Variants in SNAP91 observed in about 807,000 individuals in gnomAD.
SNAP91 encodes the protein synaptosome associated protein 91.
Under a neutral mutation model 100.3 loss-of-function variants are expected in SNAP91, and 27 were observed. The ratio of observed to expected loss-of-function variants is 0.27; its 90% CI spans 0.20 to 0.37. SNAP91 has a LOEUF of 0.37. Ranked by LOEUF, SNAP91 falls within the 10% of genes least tolerant of loss-of-function variation. The pLI is 1.00. For synonymous variants in SNAP91, 404 were observed against 398.6 expected, an observed-to-expected ratio of 1.01 and a Z score of -0.16; for missense variants, 986 against 1,123.7, an observed-to-expected ratio of 0.88 and a Z score of 1.75.
At chr6:83,702,163 A>C (rs1269307480) in intron 2 of SNAP91, among the ~76,000 whole-genome samples, 1 of 152,248 alleles carries the variant, frequency 6.6e-6, no homozygotes, top group African/African-American at 2.4e-5. Flanking sequence ...TTTAATGGCA[A>C]GGAATTTGAT....
In SNAP91 at chr6:83,662,414, A is replaced by C. The variant is rs776359220; in HGVS notation, c.282T>G (p.Ile94Met). 1 of 1,341,258 alleles carries C rather than the reference A, an allele frequency of 7.5e-7. No individual in the cohort carries two copies. Among genetic ancestry groups the C allele is most frequent in the East Asian group, 2.6e-5 (1 of 37,910 alleles). The allele number at this position is 1,341,258 out of a possible 1,614,324, so 83.1% of individuals were successfully genotyped here. A position where few individuals can be genotyped will look rare whatever the true frequency, so the allele number is the denominator to read the frequency against. ...GTGTATTTCTAGAAGCCAAATATTGAATAAATCTCTGAAAAACAAAAATTA... is the reference window on the plus strand; with the variant it reads ...GTGTATTTCTAGAAGCCAAATATTGCATAAATCTCTGAAAAACAAAAATTA... ...HLMVHGNERF[I>M]QYLASRNTLF... Residue 94 changes from isoleucine to methionine, a missense_variant, in exon 4 of 30, where the codon ATT becomes ATG. Around this residue, in one of 4 missense-constraint regions of SNAP91, gnomAD observed 330 missense variants for 447.5 expected, o/e 0.74. Transcript: ENST00000369694.
intron 7 of SNAP91, among the ~76,000 whole-genome samples, chr6:83,651,659 T>C (rs1470669511): frequency 6.6e-6 from 1 of 152,178 alleles, no homozygotes; most frequent in Non-Finnish European, 1.5e-5. Context: ...ATGGTTCAGA[T>C]TGTGGTCTCT....
intron 3 of SNAP91, among the ~76,000 whole-genome samples, chr6:83,664,545 C>T (rs1330363563): frequency 3.9e-5 from 6 of 152,030 alleles, no homozygotes. Context: ...TAGAATTGGA[C>T]ATGGAGCCTG....
At chr6:83,706,125 T>G (rs2129074168) in intron 2 of SNAP91, among the ~76,000 whole-genome samples, 1 of 152,356 alleles carries the variant, frequency 6.6e-6, no homozygotes, top group African/African-American at 2.4e-5. Flanking sequence ...AGCCTTTATC[T>G]GAATGATGTT....
At chr6:83,656,241 T>C (rs2098401480) in intron 7 of SNAP91, among the ~76,000 whole-genome samples, 3 of 152,280 alleles carry the variant, frequency 2.0e-5, no homozygotes, top group African/African-American at 7.2e-5. Flanking sequence ...TTCATCCCAT[T>C]TGAATAAAAA....
At chr6:83,606,135 G>T (rs988839841) in intron 13 of SNAP91, among the ~76,000 whole-genome samples, 3 of 152,132 alleles carry the variant, frequency 2.0e-5, no homozygotes, top group Non-Finnish European at 2.9e-5. Flanking sequence ...CAAAAACAGA[G>T]AGTGGGCTGG....
chr6:83,641,136 GT>G lies in SNAP91; in HGVS notation c.724del (p.Thr242LeufsTer3). The G allele has an allele frequency of 6.5e-7, 1 of 1,546,878 alleles. No individual in the cohort carries two copies. The highest frequency in any genetic ancestry group is 8.7e-7 in the Non-Finnish European group (1 of 1,148,660). On this transcript the variant is annotated frameshift_variant, in exon 8 of 30. Coordinates refer to ENST00000369694, the MANE Select transcript of SNAP91 (RefSeq NM_001242792.2). LOFTEE classifies it high-confidence loss of function. ...DALEIYKRFL[T>X]RMTRVSEFLK... The stretch of plus-strand genomic sequence containing the variant: ...AAATTCAGACACTCGTGTCATTCTA[GT>G]TAGAAATCGTTTGTAAATTTCTAGA...
At chr6:83,650,000 T>A (rs919395364) in intron 7 of SNAP91, among the ~76,000 whole-genome samples, 1 of 152,164 alleles carries the variant, frequency 6.6e-6, no homozygotes, top group Non-Finnish European at 1.5e-5. Flanking sequence ...ATCCAGTTGT[T>A]CTACTATAAT....
intron 11 of SNAP91, 71 bp from the exon 12 acceptor site, chr6:83,610,748 A>AT (rs1562331919): frequency 0.072 from 6,292 of 87,178 alleles, 989 homozygotes; most frequent in African/African-American, 0.11. Context: ...TATATATATA[A>AT]ATATATATGT....
chr6:83,612,378 C>G (rs560540012), intron 11 of SNAP91, among the ~76,000 whole-genome samples: 92 of 152,134 alleles, frequency 6.0e-4, no homozygotes, highest in African/African-American at 2.1e-3. Flanking sequence ...ACTATTTTTT[C>G]CCTTTACGTA....
In SNAP91 at chr6:83,617,816, T is replaced by G. The variant is rs559898951; in HGVS notation, c.808-777A>C. Among the ~76,000 whole-genome samples the G allele has an allele frequency of 3.1e-3, 464 of 151,042 alleles. 2 individuals are homozygous for G. Among genetic ancestry groups the G allele is most frequent in the African/African-American group, 0.011 (436 of 40,630 alleles). On this transcript the variant is annotated intron_variant, in intron 9 of 29. Transcript: ENST00000369694. Reference sequence around the variant, plus strand: ...CAAATTTTTCACCCAATCTATTCCTTAAGCATTAGAGATTTCATTTCATCT... The same window carrying G: ...CAAATTTTTCACCCAATCTATTCCTGAAGCATTAGAGATTTCATTTCATCT...
intron 2 of SNAP91, chr6:83,678,869 T>C: frequency 8.0e-7 from 1 of 1,245,778 alleles, no homozygotes; most frequent in South Asian, 1.4e-5. Context: ...TACCAAGGAA[T>C]ACAACTTTAG....
chr6:83,591,565 C>G (rs2128192096), intron 21 of SNAP91, among the ~76,000 whole-genome samples: 1 of 152,034 alleles, frequency 6.6e-6, no homozygotes, highest in South Asian at 2.1e-4. Context: ...TGGACTAAAC[C>G]TTGTCATCTG....
intron 7 of SNAP91, among the ~76,000 whole-genome samples, chr6:83,654,489 C>A (rs1212181365): frequency 6.6e-6 from 1 of 152,146 alleles, no homozygotes; most frequent in Non-Finnish European, 1.5e-5. Flanking sequence ...TCATTCTACT[C>A]CTTGGGGACC....
intron 14 of SNAP91, among the ~76,000 whole-genome samples, chr6:83,603,886 T>C (rs1008632824): frequency 6.6e-6 from 1 of 152,210 alleles, no homozygotes. Flanking sequence ...CATCAATAGT[T>C]ACATATTTCT....
Position 83,686,074 on chromosome 6 carries a change from C to T in SNAP91, c.131-20493G>A, listed in dbSNP as rs1363001044. 17 of 731,018 alleles carry T rather than the reference C, an allele frequency of 2.3e-5. No individual in the cohort carries two copies. In the East Asian group the frequency reaches 2.0e-3, roughly 85 times the overall value. 45.3% of individuals were successfully genotyped at this position (731,018 alleles called of 1,614,324 possible). A position where few individuals can be genotyped will look rare whatever the true frequency, so the allele number is the denominator to read the frequency against. On this transcript the variant is annotated intron_variant, in intron 2 of 29. Coordinates refer to ENST00000369694, the MANE Select transcript of SNAP91 (RefSeq NM_001242792.2). ...CCAAGCGTCTAGACCAGTAGATGCA[C>T]AGTAGACACTGATTAAATGTTTGTT...
rs1829631424 is a variant in SNAP91, at chr6:83,582,349, C to A, written c.2022G>T (p.Gly674=). ...ATGGGGAAGGCGCCATGAAAGAACC[C>A]CCAAATCCTGAAAAAAAGTTCCAAA... ...SASADLLAGF[G]GSFMAPSPSP... is the part of the protein sequence containing the mutation. Residue 674 remains glycine, a synonymous_variant, in exon 23 of 30, where the codon GGG becomes GGT. Coordinates refer to ENST00000369694, the MANE Select transcript of SNAP91 (RefSeq NM_001242792.2). 2 of 1,610,872 alleles carry A rather than the reference C, an allele frequency of 1.2e-6. No homozygotes were observed. The highest frequency in any genetic ancestry group is 8.5e-7 in the Non-Finnish European group (1 of 1,178,540).
At chr6:83,569,086 A>C (rs1424418520) in intron 26 of SNAP91, among the ~76,000 whole-genome samples, 1 of 152,198 alleles carries the variant, frequency 6.6e-6, no homozygotes, top group African/African-American at 2.4e-5. Context: ...AATAAAATGG[A>C]GTATCTATAT....
At position 83,650,341 on chromosome 6, in the gene SNAP91, A is replaced by C. The variant is rs181362182; in HGVS notation, c.658+6413T>G. ...AGCAGAAGGCTAGGAGACTGAATGA[A>C]TGGTTCAGGACATAATACAAGATAC... On this transcript the variant is annotated intron_variant, in intron 7 of 29. Coordinates refer to ENST00000369694, the MANE Select transcript of SNAP91 (RefSeq NM_001242792.2). Among the ~76,000 whole-genome samples the C allele has an allele frequency of 2.0e-5, 3 of 152,332 alleles. No individual in the cohort carries two copies. In the East Asian group the frequency reaches 5.8e-4, roughly 29 times the overall value.
Sources: gnomAD v4.1 joint callset for allele counts (sites outside exome capture counted in the v4.1 genomes callset) on GRCh38, gnomAD v4.1.1 for gene constraint, gnomAD v4.1.1 regional missense constraint, MANE v1.5 for transcripts, NCBI Gene and HGNC (gene_info 2026-07-23, HGNC 2026-07-21) for gene names.